CDAN1: variants seen among roughly 807,000 people sequenced by gnomAD.
CDAN1 encodes the protein codanin 1.
In CDAN1, 107 loss-of-function variants were observed where a neutral mutation model predicts 139.8. That is an observed-to-expected ratio of 0.77 (90% CI 0.65 to 0.90). CDAN1 has a LOEUF of 0.90. CDAN1 is among the 40% of genes least tolerant of loss of function. The probability of loss-of-function intolerance (pLI) is 0.00; values close to 1 mark genes in which losing one functional copy is unlikely to be tolerated. For missense variants in CDAN1, 1,667 were observed against 1,575.7 expected (o/e 1.06, Z -0.98); for synonymous variants, 776 against 660.6 (o/e 1.17, Z -2.68).
At chr15:42,732,486 T>C in intron 9 of CDAN1, 78 bp from the exon 10 acceptor site, 3 of 1,349,650 alleles carry the variant, frequency 2.2e-6, no homozygotes, top group South Asian at 2.3e-5. Context: ...AGCCAACCCC[T>C]GGACTTCCCA....
intron 6 of CDAN1, 118 bp downstream of exon 6, chr15:42,734,982 G>T: frequency 1.3e-6 from 1 of 741,624 alleles, no homozygotes; most frequent in South Asian, 1.5e-5. Context: ...AAGATTATAG[G>T]TAGGAGAAGG....
At position 42,731,760 on chromosome 15, in the gene CDAN1, C is replaced by T. The variant is rs761526056; in HGVS notation, c.1599G>A (p.Met533Ile). Residue 533 changes from methionine (M) to isoleucine (I), a missense_variant, in exon 11 of 28, where the codon ATG becomes ATA. Coordinates refer to ENST00000356231, the MANE Select transcript of CDAN1 (RefSeq NM_138477.4). ...VLGEAPDVLS[M>I]LGADKLGRLW... is the part of the protein sequence containing the mutation. Reference sequence around the variant, plus strand: ...ACCGCCCCAGCTTGTCAGCTCCCAGCATACTCAACACATCTGGGGCCTCGC... The same window carrying T: ...ACCGCCCCAGCTTGTCAGCTCCCAGTATACTCAACACATCTGGGGCCTCGC... 1 of 1,614,224 alleles carries T rather than the reference C, an allele frequency of 6.2e-7. No homozygotes were observed. Among genetic ancestry groups the T allele is most frequent in the South Asian group, 1.1e-5 (1 of 91,090 alleles).
chr15:42,724,621 A>G lies in CDAN1; in HGVS notation c.3559-5T>C. The G allele has an allele frequency of 6.4e-7, 1 of 1,552,128 alleles. No homozygotes were observed. Among genetic ancestry groups the G allele is most frequent in the Non-Finnish European group, 8.7e-7 (1 of 1,146,986 alleles). On this transcript the variant is annotated splice_polypyrimidine_tract_variant and splice_region_variant and intron_variant, in intron 27 of 27. Transcript: ENST00000356231. ...TGCTAATTCTTCAGCAAAGTCCTGG[A>G]ATACATAGAAAGATGAGGGAAAAGG... is the stretch of plus-strand genomic sequence containing the variant.
At position 42,727,752 on chromosome 15, in the gene CDAN1, C is replaced by T. The variant is rs2061550743; in HGVS notation, c.2965G>A (p.Val989Met). Residue 989 changes from valine (V) to methionine (M), a missense_variant, in exon 23 of 28, where the codon GTG (valine) becomes ATG (methionine). Physicochemically the swap from Val to Met is conservative, Grantham distance 21 (BLOSUM62 1). This residue lies in a region of CDAN1 where 936 missense variants were observed against 844.1 expected (regional missense o/e 1.11). Coordinates refer to ENST00000356231, the MANE Select transcript of CDAN1 (RefSeq NM_138477.4). The part of the protein sequence containing the change: ...ANITALIRRE[V>M]KAAVSRTLRA... ...AGTGTGCGACTCACTGCTGCTTTCA[C>T]CTCCCTCCTGATCAGTGCTGTGGGG... is the stretch of plus-strand genomic sequence containing the variant. The T allele has an allele frequency of 3.1e-6, 5 of 1,593,532 alleles. No homozygotes were observed. Among genetic ancestry groups the T allele is most frequent in the South Asian group, 2.3e-5 (2 of 88,218 alleles).
chr15:42,734,864 C>T (rs1246503980), intron 6 of CDAN1, among the ~76,000 whole-genome samples: 1 of 150,728 alleles, frequency 6.6e-6, no homozygotes, highest in Non-Finnish European at 1.5e-5. Context: ...AGTCACTGTC[C>T]TGCCTCGGCC....
In CDAN1 at chr15:42,736,541, A is replaced by C; in HGVS notation, c.330T>G (p.Ala110=). 2.7e-6 allele frequency: 4 copies of C among 1,467,400 alleles called. No homozygotes were observed. Among genetic ancestry groups the C allele is most frequent in the Non-Finnish European group, 3.6e-6 (4 of 1,111,844 alleles). 90.9% of individuals were successfully genotyped at this position (1,467,400 alleles called of 1,614,324 possible). Residue 110 remains alanine, a synonymous_variant, in exon 2 of 28, where the codon GCT becomes GCG. Coordinates refer to ENST00000356231, the MANE Select transcript of CDAN1 (RefSeq NM_138477.4). ...CGCGGCGGGCCAGAGGGGCCTCGGCAGCGGTGCTCTGGGCCTCGGTCGGAG... is the reference window on the plus strand; with the variant it reads ...CGCGGCGGGCCAGAGGGGCCTCGGCCGCGGTGCTCTGGGCCTCGGTCGGAG... ...LFPPTEAQST[A]AEAPLARRGG... is the part of the protein sequence containing the mutation.
In CDAN1 at chr15:42,736,739, G is replaced by A. The variant is rs777232143; in HGVS notation, c.132C>T (p.Ala44=). Residue 44 remains alanine (A), a synonymous_variant, in exon 2 of 28, where the codon GCC becomes GCT. Transcript: ENST00000356231. ...GGAACGGTACGAATTCTTTCCGCAG[G>A]GCCCGGAGTGAGCTCAGCGCGGCCG... ...GEAAALSSLR[A]LRKEFVPFLL... is the part of the protein sequence containing the mutation. 42 of 1,557,342 alleles carry A rather than the reference G, an allele frequency of 2.7e-5. No homozygotes were observed. The highest frequency in any genetic ancestry group is 3.5e-5 in the Non-Finnish European group (40 of 1,156,298).
intron 1 of CDAN1, 41 bp downstream of exon 1, chr15:42,736,972 C>T: frequency 2.6e-6 from 4 of 1,524,948 alleles, no homozygotes; most frequent in Non-Finnish European, 2.7e-6. Flanking sequence ...ACTGCGGGAA[C>T]CGGCTTCGAG....
Position 42,726,357 on chromosome 15 carries a change from G to T in CDAN1, c.3157C>A (p.Leu1053Met). ...DPDEGVSPEH[L>M]EQLLGQLGQT... ...CCCAGCTGGCCTAGGAGCTGTTCCA[G>T]ATGCTCTGGGGAGACTCCCTCGTCA... The change falls in exon 24 of 28, where the codon CTG (leucine) becomes ATG (methionine). Residue 1053 changes from leucine to methionine, a missense_variant. Transcript: ENST00000356231. The T allele has an allele frequency of 6.3e-7, 1 of 1,598,006 alleles. No individual in the cohort carries two copies.
In CDAN1 at chr15:42,727,673, C is replaced by G. The variant is rs147554753; in HGVS notation, c.3044G>C (p.Arg1015Pro). The G allele has an allele frequency of 6.3e-7, 1 of 1,589,166 alleles. No homozygotes were observed. The highest frequency in any genetic ancestry group is 1.7e-5 in the Admixed American group (1 of 57,764). ...AARGERRGCS[R>P]ACEHHAPLPS... ...GAGGGGAGCATGGTGCTCACAGGCG[C>G]GGGAGCAGCCCCTCCGCTCCCCCCG... The change falls in exon 23 of 28, where the codon CGC becomes CCC. Residue 1015 changes from arginine to proline, a missense_variant. Coordinates refer to ENST00000356231, the MANE Select transcript of CDAN1 (RefSeq NM_138477.4).
At chr15:42,733,914 C>G in intron 8 of CDAN1, 24 bp downstream of exon 8, 1 of 1,539,994 alleles carries the variant, frequency 6.5e-7, no homozygotes, top group Non-Finnish European at 9.0e-7. Context: ...CATTCCCTCC[C>G]CAAAAAGTCC....
rs200770747 is a variant in CDAN1, at chr15:42,733,191, C to T, written c.1368-5G>A. Reference sequence around the variant, plus strand: ...AGCACCTCATAAAACACATCCCTGACGCATAAGAACGCCTGATCAGCCGAG... The same window carrying T: ...AGCACCTCATAAAACACATCCCTGATGCATAAGAACGCCTGATCAGCCGAG... On this transcript the variant is annotated splice_region_variant and splice_polypyrimidine_tract_variant and intron_variant, in intron 8 of 27. Transcript: ENST00000356231. The T allele has an allele frequency of 3.3e-5, 54 of 1,613,422 alleles. No individual in the cohort carries two copies. The African/African-American group carries it at 5.3e-4, about 16-fold the overall frequency.
intron 15 of CDAN1, 25 bp from the exon 16 acceptor site, chr15:42,729,910 T>C (rs1373734535): frequency 6.9e-6 from 11 of 1,596,226 alleles, no homozygotes; most frequent in African/African-American, 1.3e-5. Context: ...ACAATTCAGG[T>C]CAACTTCAGA....
intron 27 of CDAN1, 22 bp downstream of exon 27, chr15:42,725,122 T>C: frequency 1.9e-6 from 3 of 1,576,626 alleles, no homozygotes; most frequent in Non-Finnish European, 2.6e-6. Flanking sequence ...TCTCTCCACC[T>C]AAAAGACAGG....
chr15:42,733,014 T>C (rs547886287), intron 9 of CDAN1, 83 bp downstream of exon 9: 1 of 1,189,460 alleles, frequency 8.4e-7, no homozygotes, highest in Non-Finnish European at 1.3e-6. Context: ...GGGGAAAACC[T>C]TCCCTCCTCC....
At position 42,723,592 on chromosome 15, in the gene CDAN1, C is replaced by A. The variant is rs556730759; in HGVS notation, c.*899G>T. The A allele has an allele frequency of 6.6e-6, 1 of 152,304 alleles. No homozygotes were observed. The highest frequency in any genetic ancestry group is 2.1e-4 in the South Asian group (1 of 4,820). 9.4% of individuals were successfully genotyped at this position (152,304 alleles called of 1,614,324 possible). ...GAAAACCAGTTTATTCTAAAAAGCT[C>A]TAAATGCCCTGTGCTTGGTCCCTGG... On this transcript the variant is annotated 3_prime_UTR_variant, in exon 28 of 28. Coordinates refer to ENST00000356231, the MANE Select transcript of CDAN1 (RefSeq NM_138477.4).
At chr15:42,725,305 TGACAGAGATTGAGATCTCAAAG>T in intron 26 of CDAN1, 54 bp from the exon 27 acceptor site, 1 of 1,545,976 alleles carries the variant, frequency 6.5e-7, no homozygotes, top group South Asian at 1.1e-5. Flanking sequence ...GTGACCCTGA[TGACAGAGATTGAGATCTCAAAG>T]GGCAGAGCTG....
At chr15:42,729,178 G>GGCC in intron 18 of CDAN1, 51 bp downstream of exon 18, 6 of 1,027,826 alleles carry the variant, frequency 5.8e-6, no homozygotes, top group Non-Finnish European at 8.7e-6. Flanking sequence ...CCCTGTCCCC[G>GGCC]CCCCCAACCC....
chr15:42,727,989 C>T lies in CDAN1; in HGVS notation c.2913G>A (p.Glu971=). 1 of 1,614,208 alleles carries T rather than the reference C, an allele frequency of 6.2e-7. No homozygotes were observed. Among genetic ancestry groups the T allele is most frequent in the African/African-American group, 1.3e-5 (1 of 75,070 alleles). ...TGGCTGACAGCCAAGCACAGGCTTTCTCTGTTGCAAGCCCCACAGCAATGT... is the reference window on the plus strand; with the variant it reads ...TGGCTGACAGCCAAGCACAGGCTTTTTCTGTTGCAAGCCCCACAGCAATGT... ...AENIAVGLAT[E]KACAWLSANI... The change falls in exon 22 of 28, where the codon GAG becomes GAA. Residue 971 remains glutamate, a synonymous_variant. Transcript: ENST00000356231.
Sources: gnomAD v4.1 joint callset for allele counts (sites outside exome capture counted in the v4.1 genomes callset) on GRCh38, gnomAD v4.1.1 for gene constraint, gnomAD v4.1.1 regional missense constraint, MANE v1.5 for transcripts, NCBI Gene and HGNC (gene_info 2026-07-23, HGNC 2026-07-21) for gene names.